KAT2B: variants seen among roughly 807,000 people sequenced by gnomAD.
The protein encoded by KAT2B is lysine acetyltransferase 2B, also known as histone acetyltransferase KAT2B.
Under a neutral mutation model 105.9 loss-of-function variants are expected in KAT2B, and 36 were observed. The observed-to-expected ratio is 0.34, with a 90% confidence interval of 0.26 to 0.45. The LOEUF (loss-of-function observed/expected upper bound fraction) is 0.45, where lower values mean the gene tolerates loss of function less well. KAT2B is among the 20% of genes least tolerant of loss of function. The probability of loss-of-function intolerance (pLI) is 1.00; values close to 1 mark genes in which losing one functional copy is unlikely to be tolerated. For synonymous variants in KAT2B, 397 were observed against 377.9 expected, an observed-to-expected ratio of 1.05 and a Z score of -0.59; for missense variants, 820 against 1,021.6, an observed-to-expected ratio of 0.80 and a Z score of 2.69.
At chr3:20,075,120 T>C (rs1022810175) in intron 2 of KAT2B, among the ~76,000 whole-genome samples, 3 of 151,746 alleles carry the variant, frequency 2.0e-5, no homozygotes, top group African/African-American at 7.3e-5. Context: ...AAAAATTAGC[T>C]GGGCATGGTG....
chr3:20,125,942 C>A lies in KAT2B; in HGVS notation c.1451C>A (p.Ala484Glu). ...TCAGCACACTCGGCCAGGGATGAGG[C>A]GGCAAGGTTGGAAGAGCGCAGGGGT... ...FLSAHSARDE[A>E]ARLEERRGVI... The change falls in exon 10 of 18, where the codon GCG (alanine) becomes GAG (glutamate). Residue 484 changes from alanine (A) to glutamate (E), a missense_variant. Ala to Glu is a moderately radical substitution (Grantham distance 107, BLOSUM62 -1). Around this residue, in one of 6 missense-constraint regions of KAT2B, gnomAD observed 225 missense variants for 268.1 expected, o/e 0.84. Transcript: ENST00000263754. 6.2e-7 allele frequency: 1 copy of A among 1,613,902 alleles called. No individual in the cohort carries two copies. The highest frequency in any genetic ancestry group is 8.5e-7 in the Non-Finnish European group (1 of 1,179,934).
chr3:20,073,968 A>T (rs1371574026), intron 2 of KAT2B, among the ~76,000 whole-genome samples: 1 of 152,250 alleles, frequency 6.6e-6, no homozygotes, highest in African/African-American at 2.4e-5. Flanking sequence ...GTAAACACAC[A>T]TGAATGCCTG....
chr3:20,053,418 C>A (rs1697949301), intron 1 of KAT2B, among the ~76,000 whole-genome samples: 1 of 152,150 alleles, frequency 6.6e-6, no homozygotes, highest in Non-Finnish European at 1.5e-5. Context: ...GTCTGTAGTC[C>A]TAGCTACTCA....
intron 2 of KAT2B, among the ~76,000 whole-genome samples, chr3:20,077,477 C>T (rs1475956736): frequency 6.6e-6 from 1 of 152,188 alleles, no homozygotes; most frequent in Non-Finnish European, 1.5e-5. Flanking sequence ...AATACGGTAG[C>T]CACTGGCCAC....
chr3:20,072,777 G>C (rs934371342), intron 2 of KAT2B, among the ~76,000 whole-genome samples: 2 of 152,188 alleles, frequency 1.3e-5, no homozygotes, highest in African/African-American at 4.8e-5. Flanking sequence ...CATTTTGGGG[G>C]TTGGGGCCTG....
intron 13 of KAT2B, among the ~76,000 whole-genome samples, chr3:20,144,602 C>CTTTTT (rs200001128): frequency 2.1e-5 from 3 of 143,062 alleles, no homozygotes; most frequent in African/African-American, 5.1e-5. Context: ...TTTCTTTTTT[C>CTTTTT]TTTTTTTTTT....
At chr3:20,060,407 A>T (rs984135342) in intron 1 of KAT2B, among the ~76,000 whole-genome samples, 6 of 151,766 alleles carry the variant, frequency 4.0e-5, no homozygotes, top group African/African-American at 1.5e-4. Flanking sequence ...TCTGAGACCA[A>T]CCTGACCAAC....
chr3:20,067,816 A>C (rs1416072902), intron 1 of KAT2B, among the ~76,000 whole-genome samples: 1 of 150,652 alleles, frequency 6.6e-6, no homozygotes, highest in Non-Finnish European at 1.5e-5. Flanking sequence ...CTGGGATTAC[A>C]GGTGCCCACC....
At chr3:20,138,142 GA>G (rs1445945342) in intron 12 of KAT2B, among the ~76,000 whole-genome samples, 1 of 152,084 alleles carries the variant, frequency 6.6e-6, no homozygotes, top group Non-Finnish European at 1.5e-5. Context: ...GCAAAAGAAG[GA>G]AAGAAAAATG....
In KAT2B at chr3:20,040,789, TCGCCGCTCTCGGAC is replaced by T. The variant is rs1449210526; in HGVS notation, c.303+13_303+26del. The stretch of plus-strand genomic sequence containing the variant: ...TGTACTCCGCCTGCAAGGTACGCGC[TCGCCGCTCTCGGAC>T]CGCGGATGGGTGCTAGGGGCCCAGC... On this transcript the variant is annotated intron_variant, in intron 1 of 17. Transcript: ENST00000263754. The T allele has an allele frequency of 6.3e-7, 1 of 1,583,234 alleles. No homozygotes were observed. Among genetic ancestry groups the T allele is most frequent in the African/African-American group, 1.4e-5 (1 of 72,418 alleles).
At chr3:20,074,179 A>G (rs9883707) in intron 2 of KAT2B, among the ~76,000 whole-genome samples, 1,741 of 152,352 alleles carry the variant, frequency 0.011, 28 homozygotes, top group African/African-American at 0.039. Context: ...CTCAAATTAA[A>G]CTAAAAGGAC....
At chr3:20,054,147 TG>T (rs1697964902) in intron 1 of KAT2B, among the ~76,000 whole-genome samples, 1 of 152,030 alleles carries the variant, frequency 6.6e-6, no homozygotes, top group Non-Finnish European at 1.5e-5. Flanking sequence ...GTTTTTTTTT[TG>T]AGACGGTGTC....
chr3:20,058,772 A>T (rs1698045962), intron 1 of KAT2B, among the ~76,000 whole-genome samples: 1 of 152,172 alleles, frequency 6.6e-6, no homozygotes, highest in African/African-American at 2.4e-5. Context: ...CCAGGGAAGG[A>T]TTACTGAACC....
intron 9 of KAT2B, among the ~76,000 whole-genome samples, chr3:20,124,097 G>T (rs1428865839): frequency 6.6e-6 from 1 of 152,072 alleles, no homozygotes; most frequent in African/African-American, 2.4e-5. Context: ...TCCTAAAATT[G>T]ATCTTTCCAT....
chr3:20,056,785 A>G (rs1408174868), intron 1 of KAT2B, among the ~76,000 whole-genome samples: 1 of 152,214 alleles, frequency 6.6e-6, no homozygotes, highest in Non-Finnish European at 1.5e-5. Flanking sequence ...TTAGAATGCC[A>G]CAGAGGAGTT....
At chr3:20,062,273 A>AAAATATGAT (rs1559514507) in intron 1 of KAT2B, among the ~76,000 whole-genome samples, 811 of 60,654 alleles carry the variant, frequency 0.013, 15 homozygotes, top group Non-Finnish European at 0.023. Context: ...TATAATATAT[A>AAAATATGAT]ATATATAAAA....
At chr3:20,106,932 G>T (rs1699016198) in intron 5 of KAT2B, among the ~76,000 whole-genome samples, 1 of 106,366 alleles carries the variant, frequency 9.4e-6, no homozygotes, top group Non-Finnish European at 1.8e-5. Context: ...AAAATGAATA[G>T]ATATAAGAAA....
rs1172141552 is a variant in KAT2B, at chr3:20,040,678, G to A, written c.201G>A (p.Pro67=). The change falls in exon 1 of 18, where the codon CCG becomes CCA. Residue 67 remains proline, a synonymous_variant. Coordinates refer to ENST00000263754, the MANE Select transcript of KAT2B (RefSeq NM_003884.5). ...CTGCAGCGGGCACGGCCGAAGGACC[G>A]GGAGGCGGTGGCTCGGCCCGAATCG... ...AVAAAGTAEG[P]GGGGSARIAV... is the part of the protein sequence containing the mutation. 11 of 1,562,576 alleles carry A rather than the reference G, an allele frequency of 7.0e-6. No homozygotes were observed. The South Asian group carries it at 1.0e-4, about 15-fold the overall frequency.
intron 12 of KAT2B, among the ~76,000 whole-genome samples, chr3:20,138,764 C>CT (rs1417050219): frequency 2.6e-5 from 4 of 152,088 alleles, no homozygotes; most frequent in African/African-American, 9.7e-5. Context: ...TTTGTGAGAA[C>CT]TATTAGTATA....
Sources: allele counts gnomAD v4.1 joint callset (sites outside exome capture counted in the v4.1 genomes callset), GRCh38; gene constraint gnomAD v4.1.1; regional missense constraint gnomAD v4.1.1; transcripts MANE v1.5; gene names NCBI Gene and HGNC (gene_info 2026-07-23, HGNC 2026-07-21).